The following FHIT variants were observed in gnomAD, a reference collection of about 807,000 sequenced individuals.
The protein encoded by FHIT is fragile histidine triad diadenosine triphosphatase, also known as bis(5'-adenosyl)-triphosphatase.
In FHIT, 19 loss-of-function variants were observed where a neutral mutation model predicts 17.9. The ratio of observed to expected loss-of-function variants is 1.06; its 90% CI spans 0.74 to 1.56. The LOEUF (loss-of-function observed/expected upper bound fraction) is 1.56, where lower values mean the gene tolerates loss of function less well. Among genes scored for constraint, FHIT ranks in the 40% most tolerant of loss-of-function variants. The pLI is 0.00. For missense variants in FHIT, 248 were observed against 189.2 expected (o/e 1.31, Z -1.82); for synonymous variants, 81 against 69.7 (o/e 1.16, Z -0.81).
At chr3:59,755,409 C>G (rs988478096) in intron 8 of FHIT, among the ~76,000 whole-genome samples, 1 of 152,194 alleles carries the variant, frequency 6.6e-6, no homozygotes. Context: ...AGTTCCATTT[C>G]CCTAAAGCAA....
chr3:60,885,996 T>C (rs993415310), intron 3 of FHIT, among the ~76,000 whole-genome samples: 1 of 152,224 alleles, frequency 6.6e-6, no homozygotes, highest in Non-Finnish European at 1.5e-5. Context: ...GAGCAATATC[T>C]TGTCTTTCCT....
At chr3:60,852,004 T>G (rs1392572621) in intron 3 of FHIT, among the ~76,000 whole-genome samples, 1 of 152,160 alleles carries the variant, frequency 6.6e-6, no homozygotes, top group Admixed American at 6.5e-5. Context: ...GGTCGAACTT[T>G]ATTCCGAGTA....
chr3:60,356,892 G>A lies in FHIT; in HGVS notation c.103+179968C>T, dbSNP rs1699690824. On this transcript the variant is annotated intron_variant, in intron 5 of 9. Transcript: ENST00000492590. ...TTCAGGCAGAGAACATCTATTTGATGCCAAATGTGTGGCTAGAACTGGGCC... is the reference window on the plus strand; with the variant it reads ...TTCAGGCAGAGAACATCTATTTGATACCAAATGTGTGGCTAGAACTGGGCC... 2.0e-5 allele frequency among the ~76,000 whole-genome samples: 3 copies of A among 151,572 alleles called. No homozygotes were observed. In the South Asian group the frequency reaches 6.2e-4, roughly 32 times the overall value.
intron 5 of FHIT, among the ~76,000 whole-genome samples, chr3:60,121,787 C>G (rs1705269660): frequency 6.6e-6 from 1 of 152,002 alleles, no homozygotes; most frequent in Non-Finnish European, 1.5e-5. Flanking sequence ...CCCTTGGTCC[C>G]ACTCCAACAA....
chr3:60,416,596 T>C (rs908916405), intron 5 of FHIT, among the ~76,000 whole-genome samples: 1 of 152,220 alleles, frequency 6.6e-6, no homozygotes, highest in African/African-American at 2.4e-5. Flanking sequence ...AATTTTCTGG[T>C]GTCAAATATT....
intron 4 of FHIT, among the ~76,000 whole-genome samples, chr3:60,581,807 G>T (rs1250002624): frequency 2.0e-5 from 3 of 152,068 alleles, no homozygotes; most frequent in African/African-American, 4.8e-5. Context: ...GGGATTTACA[G>T]TGGGAGAAGT....
At chr3:59,806,678 A>G (rs1575526982) in intron 8 of FHIT, among the ~76,000 whole-genome samples, 1 of 8,186 alleles carries the variant, frequency 1.2e-4, no homozygotes, top group African/African-American at 3.9e-4. Context: ...ATATGTGTAT[A>G]TATATGTATA....
At chr3:61,217,628 C>T (rs1016554096) in intron 1 of FHIT, among the ~76,000 whole-genome samples, 4 of 152,272 alleles carry the variant, frequency 2.6e-5, no homozygotes, top group South Asian at 2.1e-4. Flanking sequence ...ACAGCCTTGC[C>T]GCCCTCAATG....
At chr3:60,779,219 G>GAGAGAC (rs1700304634) in intron 4 of FHIT, among the ~76,000 whole-genome samples, 1 of 152,176 alleles carries the variant, frequency 6.6e-6, no homozygotes, top group Non-Finnish European at 1.5e-5. Flanking sequence ...ATGAGGACTG[G>GAGAGAC]AGAGACAGAA....
intron 5 of FHIT, among the ~76,000 whole-genome samples, chr3:60,023,168 C>T (rs553350490): frequency 1.3e-5 from 2 of 152,188 alleles, no homozygotes; most frequent in East Asian, 3.9e-4. Flanking sequence ...AAAGATAACT[C>T]CAATGAGAGA....
At chr3:60,023,290 G>T (rs897184967) in intron 5 of FHIT, among the ~76,000 whole-genome samples, 4 of 152,176 alleles carry the variant, frequency 2.6e-5, no homozygotes, top group Non-Finnish European at 4.4e-5. Flanking sequence ...GCAATTCATT[G>T]CAGATCTAGA....
At chr3:60,431,207 T>C (rs1356470645) in intron 5 of FHIT, among the ~76,000 whole-genome samples, 2 of 40,572 alleles carry the variant, frequency 4.9e-5, no homozygotes, top group Non-Finnish European at 1.2e-4. Flanking sequence ...CAAGATTCCA[T>C]CTCAAAAGAA....
intron 4 of FHIT, among the ~76,000 whole-genome samples, chr3:60,778,677 A>T (rs1487725472): frequency 6.6e-6 from 1 of 151,996 alleles, no homozygotes; most frequent in African/African-American, 2.4e-5. Context: ...TTTGGAAACT[A>T]TCTGTGAATA....
intron 4 of FHIT, among the ~76,000 whole-genome samples, chr3:60,640,130 T>C (rs573670021): frequency 6.6e-6 from 1 of 151,840 alleles, no homozygotes; most frequent in East Asian, 1.9e-4. Context: ...GAGCTGGGAG[T>C]GACAGAAGGA....
intron 4 of FHIT, among the ~76,000 whole-genome samples, chr3:60,634,812 A>T (rs1047295657): frequency 6.6e-6 from 1 of 152,250 alleles, no homozygotes; most frequent in Non-Finnish European, 1.5e-5. Context: ...CATGCATTTA[A>T]AAGTCACAGG....
chr3:60,975,191 T>C (rs1168979383), intron 3 of FHIT, among the ~76,000 whole-genome samples: 1 of 152,136 alleles, frequency 6.6e-6, no homozygotes, highest in Non-Finnish European at 1.5e-5. Context: ...GAAAGTAAAA[T>C]GTGCAGGGCC....
At chr3:60,392,132 T>C (rs759898442) in intron 5 of FHIT, among the ~76,000 whole-genome samples, 22 of 152,202 alleles carry the variant, frequency 1.4e-4, no homozygotes, top group Admixed American at 8.5e-4. Flanking sequence ...AATAAATTCA[T>C]ACTAACTTGT....
chr3:60,939,295 G>C (rs183502265), intron 3 of FHIT, among the ~76,000 whole-genome samples: 1 of 152,204 alleles, frequency 6.6e-6, no homozygotes, highest in Non-Finnish European at 1.5e-5. Context: ...GAAGTGCTTG[G>C]TTAAAGGATT....
intron 5 of FHIT, among the ~76,000 whole-genome samples, chr3:60,364,055 C>G (rs945820077): frequency 4.3e-4 from 65 of 152,182 alleles, no homozygotes; most frequent in African/African-American, 1.5e-3. Flanking sequence ...TGTGGTTTCC[C>G]TGCACCCAGC....
Sources: gnomAD v4.1 joint callset for allele counts (sites outside exome capture counted in the v4.1 genomes callset) on GRCh38, gnomAD v4.1.1 for gene constraint, MANE v1.5 for transcripts, NCBI Gene and HGNC (gene_info 2026-07-23, HGNC 2026-07-21) for gene names.